Variants in PHACTR1 observed in about 807,000 individuals in gnomAD.
PHACTR1 encodes phosphatase and actin regulator 1.
PHACTR1 carries 16 observed loss-of-function variants against 69.2 expected under a neutral mutation model. That is an observed-to-expected ratio of 0.23 (90% CI 0.16 to 0.35). The LOEUF (loss-of-function observed/expected upper bound fraction) is 0.35. PHACTR1 is among the 10% of genes least tolerant of loss of function. The pLI, the probability that PHACTR1 is intolerant of heterozygous loss-of-function variation, is 1.00. For missense variants in PHACTR1, 510 were observed against 734.7 expected (o/e 0.69, Z 3.54); for synonymous variants, 312 against 284.5 (o/e 1.10, Z -0.97).
At chr6:13,171,627 T>G (rs998486288) in intron 6 of PHACTR1, among the ~76,000 whole-genome samples, 4 of 152,192 alleles carry the variant, frequency 2.6e-5, no homozygotes, top group Non-Finnish European at 5.9e-5. Context: ...AGGAACTGCT[T>G]TGTGAATTTT....
intron 4 of PHACTR1, among the ~76,000 whole-genome samples, chr6:12,946,506 A>G (rs1790686937): frequency 6.6e-6 from 1 of 152,274 alleles, no homozygotes; most frequent in Admixed American, 6.5e-5. Context: ...GAATTGGGAA[A>G]ATTGCAAGTG....
intron 4 of PHACTR1, among the ~76,000 whole-genome samples, chr6:12,969,417 A>G (rs931787317): frequency 2.0e-5 from 3 of 152,194 alleles, no homozygotes; most frequent in African/African-American, 7.2e-5. Flanking sequence ...ATGAAAATCT[A>G]GCAACCTGTC....
intron 4 of PHACTR1, among the ~76,000 whole-genome samples, chr6:13,051,237 C>G (rs762379379): frequency 6.6e-6 from 1 of 152,140 alleles, no homozygotes; most frequent in Non-Finnish European, 1.5e-5. Context: ...TGTTTGCTGT[C>G]TGCCCTTCAC....
chr6:12,902,148 C>A (rs1177805997), intron 4 of PHACTR1, among the ~76,000 whole-genome samples: 1 of 152,126 alleles, frequency 6.6e-6, no homozygotes, highest in Admixed American at 6.5e-5. Flanking sequence ...ATAGGCCAGG[C>A]CTGGTGGCTC....
At chr6:13,100,189 G>A (rs187359989) in intron 5 of PHACTR1, among the ~76,000 whole-genome samples, 1 of 152,284 alleles carries the variant, frequency 6.6e-6, no homozygotes, top group African/African-American at 2.4e-5. Context: ...TTAATGTTAA[G>A]TTTAGTATAA....
intron 10 of PHACTR1, among the ~76,000 whole-genome samples, chr6:13,249,236 G>A (rs897710606): frequency 5.9e-5 from 9 of 152,222 alleles, no homozygotes; most frequent in Admixed American, 5.9e-4. Context: ...CCTCCTGCCA[G>A]ATCAGTGGCG....
intron 4 of PHACTR1, among the ~76,000 whole-genome samples, chr6:12,833,227 A>G (rs1490563068): frequency 6.6e-6 from 1 of 151,766 alleles, no homozygotes; most frequent in Non-Finnish European, 1.5e-5. Context: ...TTGATATACT[A>G]GATAATCTCT....
chr6:13,047,812 T>C (rs1805314310), intron 4 of PHACTR1, among the ~76,000 whole-genome samples: 1 of 151,924 alleles, frequency 6.6e-6, no homozygotes, highest in South Asian at 2.1e-4. Flanking sequence ...GCCAAGGTGA[T>C]GCCATCTTTG....
intron 6 of PHACTR1, among the ~76,000 whole-genome samples, chr6:13,176,063 C>A (rs1241475850): frequency 6.6e-6 from 1 of 152,092 alleles, no homozygotes. Context: ...GGTAGGCAAG[C>A]AGAAGCCCTG....
At chr6:12,890,669 T>G (rs772082647) in intron 4 of PHACTR1, among the ~76,000 whole-genome samples, 3 of 152,192 alleles carry the variant, frequency 2.0e-5, no homozygotes, top group Non-Finnish European at 2.9e-5. Flanking sequence ...TTCAGATATC[T>G]GCTTGGTTAA....
chr6:12,941,211 G>C (rs1372817208), intron 4 of PHACTR1, among the ~76,000 whole-genome samples: 2 of 152,196 alleles, frequency 1.3e-5, no homozygotes, highest in East Asian at 3.9e-4. Context: ...CTGGTGAAAG[G>C]CTAAACCAGA....
intron 4 of PHACTR1, among the ~76,000 whole-genome samples, chr6:12,995,335 G>C (rs1190481963): frequency 6.6e-6 from 1 of 150,840 alleles, no homozygotes; most frequent in Non-Finnish European, 1.5e-5. Flanking sequence ...ATCAAGAGGT[G>C]CAAAGACAAA....
At chr6:13,078,923 T>A (rs977798739) in intron 5 of PHACTR1, among the ~76,000 whole-genome samples, 1 of 152,230 alleles carries the variant, frequency 6.6e-6, no homozygotes, top group African/African-American at 2.4e-5. Flanking sequence ...TAGGAATAGA[T>A]CTGTGCCCAT....
At position 13,227,992 on chromosome 6, in the gene PHACTR1, C is replaced by T; in HGVS notation, c.1163C>T (p.Ser388Phe). 2 of 1,613,996 alleles carry T rather than the reference C, an allele frequency of 1.2e-6. No individual in the cohort carries two copies. The highest frequency in any genetic ancestry group is 1.7e-6 in the Non-Finnish European group (2 of 1,179,900). ...NVPHESDYED[S>F]SCLYTREEEE... ...CCTCATGAGTCAGACTACGAAGACT[C>T]TTCTTGCCTGTATACAAGAGAAGAG... is the stretch of plus-strand genomic sequence containing the variant. The change falls in exon 9 of 15, where the codon TCT becomes TTT. Residue 388 changes from serine to phenylalanine, a missense_variant. Transcript: ENST00000332995.
chr6:12,956,354 AAGTTCCACTCATGGG>A (rs1488333180), intron 4 of PHACTR1, among the ~76,000 whole-genome samples: 2 of 152,166 alleles, frequency 1.3e-5, no homozygotes, highest in Non-Finnish European at 2.9e-5. Flanking sequence ...ATTGCCACTT[AAGTTCCACTCATGGG>A]TCGATTCTGT....
At chr6:13,248,517 T>C (rs1363157582) in intron 10 of PHACTR1, among the ~76,000 whole-genome samples, 1 of 152,230 alleles carries the variant, frequency 6.6e-6, no homozygotes, top group African/African-American at 2.4e-5. Flanking sequence ...TCGTCATTTC[T>C]ATAAAATCTT....
chr6:13,225,698 A>G (rs1477345096), intron 8 of PHACTR1, among the ~76,000 whole-genome samples: 1 of 152,172 alleles, frequency 6.6e-6, no homozygotes, highest in African/African-American at 2.4e-5. Context: ...CCCACCAAAC[A>G]AGAATCTATT....
chr6:13,117,737 A>G (rs1318086931), intron 5 of PHACTR1, among the ~76,000 whole-genome samples: 3 of 152,208 alleles, frequency 2.0e-5, no homozygotes, highest in Non-Finnish European at 2.9e-5. Context: ...CACAGATCAC[A>G]TGACTTTCTC....
At chr6:13,264,916 G>A (rs928878797) in intron 10 of PHACTR1, 1 of 152,026 alleles carries the variant, frequency 6.6e-6, no homozygotes, top group Non-Finnish European at 1.5e-5. Context: ...CAGCTGCTCA[G>A]GAGGCTGAGG....
Sources: gnomAD v4.1 joint callset for allele counts (sites outside exome capture counted in the v4.1 genomes callset) on GRCh38, gnomAD v4.1.1 for gene constraint, MANE v1.5 for transcripts, NCBI Gene and HGNC (gene_info 2026-07-23, HGNC 2026-07-21) for gene names.